Variants in SMC6 observed in about 807,000 individuals in gnomAD.
SMC6 encodes the protein structural maintenance of chromosomes protein 6.
A neutral mutation model predicts 142.2 loss-of-function variants in SMC6; 79 were observed. That is an observed-to-expected ratio of 0.56 (90% CI 0.46 to 0.67). The LOEUF is 0.67. SMC6 is among the 30% of genes least tolerant of loss of function. The pLI is 0.00. For missense variants in SMC6, 1,072 were observed against 1,284.0 expected (o/e 0.83, Z 2.52); for synonymous variants, 411 against 412.4 (o/e 1.00, Z 0.04).
intron 25 of SMC6, among the ~76,000 whole-genome samples, chr2:17,673,429 C>CA (rs1434995342): frequency 6.6e-6 from 1 of 151,578 alleles, no homozygotes. Flanking sequence ...GTGTCCCATT[C>CA]AAAAAAACAT....
chr2:17,748,196 A>G (rs543240155), intron 2 of SMC6, among the ~76,000 whole-genome samples: 5 of 152,334 alleles, frequency 3.3e-5, no homozygotes, highest in African/African-American at 1.2e-4. Context: ...CAAGATCTAC[A>G]TCTCCTGGGA....
rs1039758266 is a variant in SMC6 at position 17,718,158 on chromosome 2, T to C, written c.1011A>G (p.Glu337=). 2 of 1,611,640 alleles carry C rather than the reference T, an allele frequency of 1.2e-6. No individual in the cohort carries two copies. The highest frequency in any genetic ancestry group is 1.7e-6 in the Non-Finnish European group (2 of 1,178,576). Residue 337 remains glutamate (E), a synonymous_variant, in exon 12 of 28, where the codon GAA becomes GAG. Coordinates refer to ENST00000448223, the MANE Select transcript of SMC6 (RefSeq NM_001142286.2). The stretch of plus-strand genomic sequence containing the variant: ...ATTCTGGTGCTCGTGCATTTGTCTC[T>C]TCACTAATCTTTTCTAGTTTGTCTT... The part of the protein sequence containing the change: ...DIQDKLEKIS[E]ETNARAPECM...
intron 18 of SMC6, 83 bp from the exon 19 acceptor site, chr2:17,703,375 C>T: frequency 7.8e-7 from 1 of 1,288,176 alleles, no homozygotes. Context: ...CAAAGAAAGC[C>T]TTATTTATAG....
At chr2:17,693,005 G>T (rs1667804972) in intron 23 of SMC6, among the ~76,000 whole-genome samples, 1 of 152,150 alleles carries the variant, frequency 6.6e-6, no homozygotes, top group Non-Finnish European at 1.5e-5. Flanking sequence ...ACCACAATGA[G>T]ACACCATCTC....
Position 17,753,058 on chromosome 2 carries a change from T to C in SMC6, c.-86A>G. 1.0e-6 allele frequency: 1 copy of C among 982,642 alleles called. No homozygotes were observed. The highest frequency in any genetic ancestry group is 1.2e-6 in the Non-Finnish European group (1 of 827,372). The allele number at this position is 982,642 out of a possible 1,614,324, so 60.9% of individuals were successfully genotyped here. A position where few individuals can be genotyped will look rare whatever the true frequency, so the allele number is the denominator to read the frequency against. ...ATTCCCAATTGGGATTCTTCTCCGG[T>C]TCATTTCTGTAAGAAATGAGGGCAG... is the stretch of plus-strand genomic sequence containing the variant. On this transcript the variant is annotated 5_prime_UTR_variant, in exon 2 of 28. Coordinates refer to ENST00000448223, the MANE Select transcript of SMC6 (RefSeq NM_001142286.2).
chr2:17,666,125 G>T (rs189800543), intron 27 of SMC6, among the ~76,000 whole-genome samples: 1 of 152,280 alleles, frequency 6.6e-6, no homozygotes, highest in Admixed American at 6.5e-5. Context: ...AATCATTTTA[G>T]TCCAAACAGA....
intron 17 of SMC6, 53 bp downstream of exon 17, chr2:17,708,585 AG>A: frequency 1.1e-6 from 1 of 895,260 alleles, no homozygotes; most frequent in South Asian, 2.8e-5. Context: ...AATTATCTTC[AG>A]TTTTAAAAAT....
intron 25 of SMC6, among the ~76,000 whole-genome samples, chr2:17,676,908 C>T (rs73921039): frequency 0.013 from 2,026 of 152,220 alleles, 24 homozygotes; most frequent in African/African-American, 0.031. Flanking sequence ...TGCAACCTTG[C>T]TAGTTATGAC....
intron 23 of SMC6, 64 bp downstream of exon 23, chr2:17,695,088 C>T: frequency 1.9e-6 from 3 of 1,569,180 alleles, no homozygotes; most frequent in Admixed American, 1.9e-5. Flanking sequence ...ATATGTTTTT[C>T]ATTTTTTGTC....
chr2:17,718,195 T>C lies in SMC6; in HGVS notation c.974A>G (p.Tyr325Cys). The change falls in exon 12 of 28, where the codon TAC becomes TGC. Residue 325 changes from tyrosine (Y) to cysteine (C), a missense_variant. Around this residue, in one of 3 missense-constraint regions of SMC6, gnomAD observed 994 missense variants for 1,153.2 expected, o/e 0.86. Coordinates refer to ENST00000448223, the MANE Select transcript of SMC6 (RefSeq NM_001142286.2). ...QVRLNEAEQK[Y>C]KDIQDKLEKI... ...TTCTAGTTTGTCTTGAATATCCTTG[T>C]ACTTTTGTTCTGCCTCATTAAGTCT... 1 of 1,606,730 alleles carries C rather than the reference T, an allele frequency of 6.2e-7. No individual in the cohort carries two copies. The highest frequency in any genetic ancestry group is 8.5e-7 in the Non-Finnish European group (1 of 1,176,060).
rs1238377175 is a variant in SMC6, at chr2:17,717,044, T to C, written c.1181+44A>G. The C allele has an allele frequency of 1.1e-5, 17 of 1,574,658 alleles. No homozygotes were observed. In the African/African-American group the frequency reaches 1.4e-4, roughly 13 times the overall value. On this transcript the variant is annotated intron_variant, in intron 13 of 27. Transcript: ENST00000448223. ...CTCCAATGCATCTACCTTACTTTAT[T>C]ACAAAATGGGATAGCCATGAAAATT...
At chr2:17,708,586 G>A in intron 17 of SMC6, 53 bp downstream of exon 17, 1 of 946,768 alleles carries the variant, frequency 1.1e-6, no homozygotes, top group South Asian at 2.7e-5. Flanking sequence ...ATTATCTTCA[G>A]TTTTAAAAAT....
At chr2:17,684,144 A>G (rs1246888524) in intron 23 of SMC6, among the ~76,000 whole-genome samples, 1 of 152,164 alleles carries the variant, frequency 6.6e-6, no homozygotes, top group African/African-American at 2.4e-5. Flanking sequence ...ATAAAAGAAA[A>G]AAAGAACTCA....
chr2:17,748,609 T>C (rs1217165376), intron 2 of SMC6, among the ~76,000 whole-genome samples: 2 of 152,242 alleles, frequency 1.3e-5, no homozygotes, highest in East Asian at 1.9e-4. Flanking sequence ...TTCAGTTTAT[T>C]ATTAATTTAA....
intron 2 of SMC6, among the ~76,000 whole-genome samples, chr2:17,749,452 G>A (rs1203103669): frequency 6.6e-6 from 1 of 152,226 alleles, no homozygotes; most frequent in Non-Finnish European, 1.5e-5. Context: ...CACTTTGGGA[G>A]GCCAAGGCAG....
intron 15 of SMC6, 113 bp downstream of exon 15, chr2:17,715,973 A>T: frequency 1.1e-6 from 1 of 905,272 alleles, no homozygotes; most frequent in South Asian, 3.2e-5. Flanking sequence ...AGCTTTATAT[A>T]ATTTCATTAT....
At chr2:17,689,380 TGGAC>T in intron 23 of SMC6, among the ~76,000 whole-genome samples, 1 of 152,236 alleles carries the variant, frequency 6.6e-6, no homozygotes, top group Non-Finnish European at 1.5e-5. Flanking sequence ...ACATTGGAAC[TGGAC>T]TACAGGTATC....
intron 25 of SMC6, among the ~76,000 whole-genome samples, chr2:17,675,978 T>C (rs939916871): frequency 6.6e-6 from 1 of 152,170 alleles, no homozygotes; most frequent in Non-Finnish European, 1.5e-5. Context: ...CTATCGGGAC[T>C]CCAATTATGT....
At chr2:17,717,628 G>A (rs1007379069) in intron 12 of SMC6, among the ~76,000 whole-genome samples, 3 of 152,038 alleles carry the variant, frequency 2.0e-5, no homozygotes, top group African/African-American at 2.4e-5. Flanking sequence ...CTGAGATTGC[G>A]CCACTGCACT....
Sources: gnomAD v4.1 joint callset for allele counts (sites outside exome capture counted in the v4.1 genomes callset) on GRCh38, gnomAD v4.1.1 for gene constraint, gnomAD v4.1.1 regional missense constraint, MANE v1.5 for transcripts, NCBI Gene and HGNC (gene_info 2026-07-23, HGNC 2026-07-21) for gene names.